The following EYS variants were observed in gnomAD, a reference collection of about 807,000 sequenced individuals.
EYS encodes EGF-like photoreceptor maintenance factor.
Under a neutral mutation model 282.1 loss-of-function variants are expected in EYS, and 250 were observed. The observed-to-expected ratio is 0.89, with a 90% confidence interval of 0.80 to 0.98. The LOEUF is 0.98. Ranked by LOEUF, EYS falls within the 50% of genes least tolerant of loss-of-function variation. The pLI is 0.00. For missense variants in EYS, 4,016 were observed against 3,709.0 expected, an observed-to-expected ratio of 1.08 and a Z score of -2.15; for synonymous variants, 1,355 against 1,282.9, an observed-to-expected ratio of 1.06 and a Z score of -1.20.
chr6:64,976,001 T>G (rs1770465594), intron 14 of EYS, among the ~76,000 whole-genome samples: 1 of 151,888 alleles, frequency 6.6e-6, no homozygotes, highest in Admixed American at 6.6e-5. Context: ...TCAAATAACA[T>G]TTTAAAATAA....
intron 13 of EYS, among the ~76,000 whole-genome samples, chr6:65,022,792 C>A (rs568790547): frequency 1.3e-5 from 2 of 151,488 alleles, no homozygotes; most frequent in East Asian, 3.9e-4. Context: ...TATAAAACTT[C>A]ATTGTTAAAC....
chr6:64,413,527 AC>A (rs1189693780), intron 28 of EYS, among the ~76,000 whole-genome samples: 1 of 10,706 alleles, frequency 9.3e-5, no homozygotes, highest in Non-Finnish European at 1.9e-4. Flanking sequence ...TCTTGTCCAA[AC>A]AACAACAACA....
chr6:64,391,255 G>A (rs767008673), intron 28 of EYS, among the ~76,000 whole-genome samples: 4 of 151,480 alleles, frequency 2.6e-5, no homozygotes, highest in Non-Finnish European at 2.9e-5. Flanking sequence ...CCAACATTCA[G>A]ATTCAGGAAA....
chr6:64,142,477 C>A (rs1253670543), intron 31 of EYS, among the ~76,000 whole-genome samples: 1 of 152,056 alleles, frequency 6.6e-6, no homozygotes, highest in Non-Finnish European at 1.5e-5. Context: ...ATAAGCAATG[C>A]AGTGCCTCTA....
intron 2 of EYS, among the ~76,000 whole-genome samples, chr6:65,510,372 T>C (rs902753170): frequency 2.6e-5 from 4 of 152,024 alleles, no homozygotes; most frequent in Non-Finnish European, 5.9e-5. Flanking sequence ...TGCATAGTAT[T>C]CCATGGTGTA....
At position 65,142,950 on chromosome 6, in the gene EYS, A is replaced by G. The variant is rs74461836; in HGVS notation, c.2024-85223T>C. 6.4e-4 allele frequency among the ~76,000 whole-genome samples: 98 copies of G among 152,220 alleles called. 2 individuals are homozygous for G. In the East Asian group the frequency reaches 0.018, roughly 28 times the overall value. On this transcript the variant is annotated intron_variant, in intron 12 of 42. Transcript: ENST00000503581. ...TTTTCAGATAAAAGAAACTAGCAGAATCAATGTAACTACTTTTGAAATATA... is the reference window on the plus strand; with the variant it reads ...TTTTCAGATAAAAGAAACTAGCAGAGTCAATGTAACTACTTTTGAAATATA...
chr6:65,627,013 C>CTA (rs1766722703), intron 2 of EYS, among the ~76,000 whole-genome samples: 1 of 94,476 alleles, frequency 1.1e-5, no homozygotes, highest in African/African-American at 6.4e-5. Flanking sequence ...TCTCTCTCTG[C>CTA]CCTTTCTTTC....
At chr6:65,179,627 A>T (rs1765322323) in intron 12 of EYS, among the ~76,000 whole-genome samples, 1 of 152,102 alleles carries the variant, frequency 6.6e-6, no homozygotes, top group Non-Finnish European at 1.5e-5. Flanking sequence ...TACCAGAGGT[A>T]CAAGGAGGAG....
At chr6:65,120,524 A>C (rs1775510871) in intron 12 of EYS, among the ~76,000 whole-genome samples, 1 of 150,014 alleles carries the variant, frequency 6.7e-6, no homozygotes, top group Non-Finnish European at 1.5e-5. Flanking sequence ...TTTCCATACC[A>C]GTGTGTCACA....
Position 64,639,268 on chromosome 6 carries a change from TCA to T in EYS, c.3444-13025_3444-13024del, listed in dbSNP as rs1336969910. ...ACCTCTTTAAGAGACCTGTCTCCAG[TCA>T]CAACCTTAAAGCAGGTCTTGGAAAA... is the stretch of plus-strand genomic sequence containing the variant. On this transcript the variant is annotated intron_variant, in intron 22 of 42. Transcript: ENST00000503581. Among the ~76,000 whole-genome samples, 2 of 91,052 alleles carry T rather than the reference TCA, an allele frequency of 2.2e-5. 1 individual carries two copies. Among genetic ancestry groups the T allele is most frequent in the African/African-American group, 8.5e-5 (2 of 23,536 alleles). 59.7% of individuals were successfully genotyped at this position (91,052 alleles called of 152,430 possible).
At chr6:63,883,183 A>G (rs1032374999) in intron 35 of EYS, among the ~76,000 whole-genome samples, 1 of 152,164 alleles carries the variant, frequency 6.6e-6, no homozygotes, top group Non-Finnish European at 1.5e-5. Flanking sequence ...CGAAGTTGGA[A>G]CTTTCTTACT....
intron 5 of EYS, among the ~76,000 whole-genome samples, chr6:65,439,349 T>C (rs1768210503): frequency 6.7e-6 from 1 of 148,806 alleles, no homozygotes; most frequent in Admixed American, 6.9e-5. Flanking sequence ...TGGTTCCATA[T>C]GAACTTTAAA....
At chr6:65,159,160 G>A (rs1261081053) in intron 12 of EYS, among the ~76,000 whole-genome samples, 3 of 150,782 alleles carry the variant, frequency 2.0e-5, no homozygotes, top group Non-Finnish European at 4.5e-5. Flanking sequence ...AAGTATAACA[G>A]ATTAAGAAGC....
At chr6:65,290,261 T>G (rs1768486861) in intron 12 of EYS, among the ~76,000 whole-genome samples, 1 of 150,836 alleles carries the variant, frequency 6.6e-6, no homozygotes, top group African/African-American at 2.4e-5. Context: ...ACATATAAAG[T>G]ATTAAACAAA....
chr6:65,167,629 A>G (rs964818870), intron 12 of EYS, among the ~76,000 whole-genome samples: 10 of 151,386 alleles, frequency 6.6e-5, no homozygotes, highest in Non-Finnish European at 8.9e-5. Flanking sequence ...GATAATTTCA[A>G]TCTTGCTCCT....
chr6:65,654,103 C>T (rs1420427072), intron 1 of EYS, among the ~76,000 whole-genome samples: 1 of 151,896 alleles, frequency 6.6e-6, no homozygotes, highest in Non-Finnish European at 1.5e-5. Flanking sequence ...CTAAATACTT[C>T]AGAGTTAGTC....
At chr6:64,244,622 A>G (rs1766948941) in intron 30 of EYS, among the ~76,000 whole-genome samples, 1 of 152,166 alleles carries the variant, frequency 6.6e-6, no homozygotes, top group East Asian at 1.9e-4. Context: ...TATGTATTAT[A>G]TGAAATTGAA....
At chr6:65,185,710 T>G (rs1326031116) in intron 12 of EYS, among the ~76,000 whole-genome samples, 1 of 151,814 alleles carries the variant, frequency 6.6e-6, no homozygotes, top group Non-Finnish European at 1.5e-5. Context: ...CTTAGGAGAA[T>G]GGCACTGTAT....
At chr6:65,448,416 C>G (rs752188837) in intron 5 of EYS, among the ~76,000 whole-genome samples, 5 of 152,066 alleles carry the variant, frequency 3.3e-5, no homozygotes, top group African/African-American at 9.7e-5. Flanking sequence ...TGAAATCATT[C>G]TTAAAACTGT....
Sources: allele counts gnomAD v4.1 joint callset (sites outside exome capture counted in the v4.1 genomes callset), GRCh38; gene constraint gnomAD v4.1.1; transcripts MANE v1.5; gene names NCBI Gene and HGNC (gene_info 2026-07-23, HGNC 2026-07-21).